LONP2: variants seen among roughly 807,000 people sequenced by gnomAD.
The protein encoded by LONP2 is lon protease homolog 2, peroxisomal.
Under a neutral mutation model 85.6 loss-of-function variants are expected in LONP2, and 60 were observed. That is an observed-to-expected ratio of 0.70 (90% CI 0.57 to 0.87). The LOEUF (loss-of-function observed/expected upper bound fraction) is 0.87, where lower values mean the gene tolerates loss of function less well. Ranked by LOEUF, LONP2 falls within the 40% of genes least tolerant of loss-of-function variation. LONP2 has a pLI of 0.00. For synonymous variants in LONP2, 395 were observed against 389.7 expected (o/e 1.01, Z -0.16); for missense variants, 860 against 1,063.5 (o/e 0.81, Z 2.66).
chr16:48,347,970 G>A, intron 13 of LONP2, 130 bp from the exon 14 acceptor site: 1 of 862,726 alleles, frequency 1.2e-6, no homozygotes, highest in Non-Finnish European at 1.8e-6. Flanking sequence ...CACCCAAATT[G>A]TACTGTCCAC....
rs150607516 is a variant in LONP2 at position 48,258,519 on chromosome 16, T to TG, written c.601-99_601-98insG. ...TGTAGCTTTGAATACTGTTAATAATTTTTTTTTAACTTGGCAATTTAAACC... is the reference window on the plus strand; with the variant it reads ...TGTAGCTTTGAATACTGTTAATAATTGTTTTTTTAACTTGGCAATTTAAACC... On this transcript the variant is annotated intron_variant, in intron 3 of 14. Coordinates refer to ENST00000285737, the MANE Select transcript of LONP2 (RefSeq NM_031490.5). 3,097 of 1,237,008 alleles carry TG rather than the reference T, an allele frequency of 2.5e-3. 66 individuals carry two copies. The African/African-American group carries it at 0.042, about 17-fold the overall frequency. The allele number at this position is 1,237,008 out of a possible 1,614,324, so 76.6% of individuals were successfully genotyped here. A position where few individuals can be genotyped will look rare whatever the true frequency, so the allele number is the denominator to read the frequency against.
intron 1 of LONP2, among the ~76,000 whole-genome samples, chr16:48,248,758 C>T (rs912833800): frequency 2.0e-5 from 3 of 151,972 alleles, no homozygotes; most frequent in Non-Finnish European, 2.9e-5. Flanking sequence ...TGGCACGTGC[C>T]TGTACTCCCA....
At chr16:48,345,636 G>T (rs1959940800) in intron 12 of LONP2, 1 of 152,252 alleles carries the variant, frequency 6.6e-6, no homozygotes, top group African/African-American at 2.4e-5. Flanking sequence ...CTCGAGGAAA[G>T]TGTGACCTGA....
rs1214377979 is a variant in LONP2 at position 48,356,803 on chromosome 16, G to T, written c.*5001G>T. The T allele has an allele frequency of 3.8e-6, 1 of 264,296 alleles. No individual in the cohort carries two copies. The highest frequency in any genetic ancestry group is 2.2e-5 in the African/African-American group (1 of 44,526). 16.4% of individuals were successfully genotyped at this position (264,296 alleles called of 1,614,324 possible). On this transcript the variant is annotated 3_prime_UTR_variant, in exon 15 of 15. Coordinates refer to ENST00000285737, the MANE Select transcript of LONP2 (RefSeq NM_031490.5). The stretch of plus-strand genomic sequence containing the variant: ...TTTGTCATGAAAATTCATTTCTTTG[G>T]AAATACTGTAGTTTGTACTTAATGA...
intron 8 of LONP2, 121 bp downstream of exon 8, chr16:48,277,600 AC>A (rs1956534431): frequency 1.0e-6 from 1 of 955,640 alleles, no homozygotes. Context: ...ACAGTTTGAT[AC>A]CGGCTGAGGT....
In LONP2 at chr16:48,355,030, T is replaced by C. The variant is rs1293579573; in HGVS notation, c.*3228T>C. On this transcript the variant is annotated 3_prime_UTR_variant, in exon 15 of 15. Coordinates refer to ENST00000285737, the MANE Select transcript of LONP2 (RefSeq NM_031490.5). ...GCCAAATAATACACCACTATATCCA[T>C]AGACCGCATTTGGTTTATCCACTCA... is the stretch of plus-strand genomic sequence containing the variant. 1.3e-5 allele frequency: 2 copies of C among 152,228 alleles called. No homozygotes were observed. The highest frequency in any genetic ancestry group is 4.8e-5 in the African/African-American group (2 of 41,460). 9.4% of individuals were successfully genotyped at this position (152,228 alleles called of 1,614,324 possible). A position where few individuals can be genotyped will look rare whatever the true frequency, so the allele number is the denominator to read the frequency against.
intron 11 of LONP2, among the ~76,000 whole-genome samples, chr16:48,323,254 GTCATTTGCT>G (rs1157799824): frequency 6.6e-6 from 1 of 152,158 alleles, no homozygotes; most frequent in Non-Finnish European, 1.5e-5. Flanking sequence ...ACATGAAAAG[GTCATTTGCT>G]TACATCTCTA....
chr16:48,338,596 C>G (rs1959721630), intron 12 of LONP2, among the ~76,000 whole-genome samples: 1 of 152,088 alleles, frequency 6.6e-6, no homozygotes, highest in Non-Finnish European at 1.5e-5. Context: ...ACTGAGAGCT[C>G]TTTTGAACAC....
At chr16:48,284,631 G>A (rs977088540) in intron 8 of LONP2, among the ~76,000 whole-genome samples, 2 of 152,090 alleles carry the variant, frequency 1.3e-5, no homozygotes, top group African/African-American at 4.8e-5. Flanking sequence ...TAGACATAAT[G>A]CTATTGCACA....
At chr16:48,290,796 A>T (rs1972544357) in intron 8 of LONP2, among the ~76,000 whole-genome samples, 1 of 152,130 alleles carries the variant, frequency 6.6e-6, no homozygotes, top group South Asian at 2.1e-4. Context: ...TGATTGATTA[A>T]ATCACTGGCC....
downstream of LONP2, chr16:48,361,400 AAATATAT>A: frequency 1.7e-6 from 1 of 581,028 alleles, no homozygotes; most frequent in Non-Finnish European, 3.0e-6. Context: ...ACTTATTTTT[AAATATAT>A]TAGTGTTACT....
intron 11 of LONP2, among the ~76,000 whole-genome samples, chr16:48,322,336 G>T (rs1712086449): frequency 6.6e-6 from 1 of 152,012 alleles, no homozygotes. Context: ...TTTAAAAATT[G>T]TTTTACTTTT....
At chr16:48,343,957 C>T (rs1959892371) in intron 12 of LONP2, 1 of 152,196 alleles carries the variant, frequency 6.6e-6, no homozygotes, top group Non-Finnish European at 1.5e-5. Flanking sequence ...ACATTCTAGA[C>T]TTCAAGTCTA....
intron 12 of LONP2, among the ~76,000 whole-genome samples, chr16:48,340,531 A>C (rs1037388041): frequency 2.6e-5 from 4 of 152,268 alleles, no homozygotes; most frequent in African/African-American, 7.2e-5. Flanking sequence ...TTAATGTCAA[A>C]AAATATTACT....
intron 12 of LONP2, chr16:48,344,438 CTTG>C (rs1319243137): frequency 6.6e-6 from 1 of 152,140 alleles, no homozygotes; most frequent in Non-Finnish European, 1.5e-5. Context: ...TATCAGAACA[CTTG>C]TTATCAAGTC....
At chr16:48,298,628 T>G (rs75434916) in intron 9 of LONP2, among the ~76,000 whole-genome samples, 232 of 90,452 alleles carry the variant, frequency 2.6e-3, no homozygotes, top group Middle Eastern at 6.0e-3. Context: ...TTAATTGAGG[T>G]GTGTGTGTGT....
At chr16:48,270,372 A>G in intron 7 of LONP2, 98 bp downstream of exon 7, 1 of 1,303,586 alleles carries the variant, frequency 7.7e-7, no homozygotes, top group South Asian at 1.4e-5. Context: ...TATTTTCCTT[A>G]AAGGGCTATG....
At chr16:48,278,659 A>G (rs1972264526) in intron 8 of LONP2, among the ~76,000 whole-genome samples, 1 of 152,146 alleles carries the variant, frequency 6.6e-6, no homozygotes, top group East Asian at 1.9e-4. Context: ...TTCAGTTCCT[A>G]TCCTTGCAGA....
intron 11 of LONP2, among the ~76,000 whole-genome samples, chr16:48,328,386 A>G (rs1403744852): frequency 2.0e-5 from 3 of 151,952 alleles, no homozygotes; most frequent in Non-Finnish European, 4.4e-5. Flanking sequence ...TCTACTAAAA[A>G]TACAAAAATT....
Sources: allele counts gnomAD v4.1 joint callset (sites outside exome capture counted in the v4.1 genomes callset), GRCh38; gene constraint gnomAD v4.1.1; transcripts MANE v1.5; gene names NCBI Gene and HGNC (gene_info 2026-07-23, HGNC 2026-07-21).